LY75: variants seen among roughly 807,000 people sequenced by gnomAD.
LY75 encodes C-type lectin domain family 13 member B.
A neutral mutation model predicts 231.7 loss-of-function variants in LY75; 185 were observed. The ratio of observed to expected loss-of-function variants is 0.80; its 90% CI spans 0.71 to 0.90. The LOEUF is 0.90. Among genes scored for constraint, LY75 ranks in the 40% least tolerant of loss-of-function variants. The probability of loss-of-function intolerance (pLI) is 0.00; values close to 1 mark genes in which losing one functional copy is unlikely to be tolerated. For synonymous variants in LY75, 668 were observed against 689.0 expected, an observed-to-expected ratio of 0.97 and a Z score of 0.48; for missense variants, 1,947 against 2,050.2, an observed-to-expected ratio of 0.95 and a Z score of 0.97.
At chr2:159,830,591 T>TC (rs1253805313) in intron 28 of LY75, among the ~76,000 whole-genome samples, 1 of 149,034 alleles carries the variant, frequency 6.7e-6, no homozygotes, top group Non-Finnish European at 1.5e-5. Flanking sequence ...TTCTATTCTT[T>TC]TTTTTTTTTT....
intron 31 of LY75, among the ~76,000 whole-genome samples, chr2:159,814,281 C>T (rs1045454513): frequency 6.6e-6 from 1 of 152,090 alleles, no homozygotes; most frequent in Non-Finnish European, 1.5e-5. Flanking sequence ...TTCCCTTAAA[C>T]TTTAAGGATC....
rs760133760 is a variant in LY75, at chr2:159,878,654, C to A, written c.1583G>T (p.Cys528Phe). Residue 528 changes from cysteine (C) to phenylalanine (F), a missense_variant, in exon 10 of 35, where the codon TGC (cysteine) becomes TTC (phenylalanine). Cys to Phe is a radical substitution (Grantham distance 205, BLOSUM62 -2). Transcript: ENST00000263636. ...YEDEVPFGTN[C>F]NLTITSRFEQ... ...ACACCTGCTAGTGATAGTCAGATTG[C>A]AGTTTGTTCCAAAAGGGACCTCATC... The A allele has an allele frequency of 3.1e-6, 5 of 1,613,862 alleles. No homozygotes were observed. In the African/African-American group the frequency reaches 6.7e-5, roughly 22 times the overall value.
intron 31 of LY75, 46 bp from the exon 32 acceptor site, chr2:159,810,721 G>A (rs747660820): frequency 6.3e-7 from 1 of 1,594,254 alleles, no homozygotes; most frequent in Non-Finnish European, 8.5e-7. Flanking sequence ...GGAAAAAAAA[G>A]ACTGCCTTTC....
At chr2:159,874,348 A>T (rs188161850) in intron 12 of LY75, among the ~76,000 whole-genome samples, 1 of 6,824 alleles carries the variant, frequency 1.5e-4, no homozygotes, top group African/African-American at 4.6e-4. Context: ...ATATATACAT[A>T]TTTTGTAAAT....
intron 28 of LY75, among the ~76,000 whole-genome samples, chr2:159,822,834 G>C (rs916138966): frequency 6.6e-6 from 1 of 152,110 alleles, no homozygotes; most frequent in Admixed American, 6.6e-5. Flanking sequence ...AAACAGAGTC[G>C]GGTAGACATC....
At chr2:159,822,080 G>A (rs1683312516) in intron 28 of LY75, among the ~76,000 whole-genome samples, 1 of 152,210 alleles carries the variant, frequency 6.6e-6, no homozygotes, top group Non-Finnish European at 1.5e-5. Context: ...AGGGCCCTGG[G>A]TTTCAAGGAC....
chr2:159,864,706 G>T, intron 14 of LY75, 133 bp downstream of exon 14: 1 of 854,304 alleles, frequency 1.2e-6, no homozygotes, highest in Non-Finnish European at 1.7e-6. Flanking sequence ...TTTTGCTCAA[G>T]ATTTCTTTGG....
At chr2:159,835,728 G>T (rs1574542502) in intron 25 of LY75, 83 bp from the exon 26 acceptor site, 2 of 1,523,372 alleles carry the variant, frequency 1.3e-6, no homozygotes, top group Admixed American at 2.4e-5. Flanking sequence ...TCAATCTAAT[G>T]ATTTTTAATT....
rs1448761283 is a variant in LY75, at chr2:159,875,452, A to G, written c.1966T>C (p.Cys656Arg). The part of the protein sequence containing the change: ...GWQSFPASLS[C>R]YKVFHAERIV... The stretch of plus-strand genomic sequence containing the variant: ...TGAGAATGTCACTTTACCTTATAAC[A>G]AGAAAGACTTGCGGGGAAACTCTGC... The change falls in exon 12 of 35, where the codon TGT becomes CGT. Residue 656 changes from cysteine to arginine, a missense_variant. Coordinates refer to ENST00000263636, the MANE Select transcript of LY75 (RefSeq NM_002349.4). 3.1e-6 allele frequency: 5 copies of G among 1,612,848 alleles called. No individual in the cohort carries two copies. Among genetic ancestry groups the G allele is most frequent in the Non-Finnish European group, 4.2e-6 (5 of 1,179,616 alleles).
At position 159,904,649 on chromosome 2, in the gene LY75, C is replaced by A; in HGVS notation, c.34G>T (p.Ala12Ser). ...CAGAAGAGCAGCATGAGGAGCCCCG[C>A]CGGGCGGCGAGGGGTCGCCCAGCCT... is the stretch of plus-strand genomic sequence containing the variant. ...RTGWATPRRP[A>S]GLLMLLFWFF... The change falls in exon 1 of 35, where the codon GCG (alanine) becomes TCG (serine). Residue 12 changes from alanine to serine, a missense_variant. Coordinates refer to ENST00000263636, the MANE Select transcript of LY75 (RefSeq NM_002349.4). 6.7e-7 allele frequency: 1 copy of A among 1,493,632 alleles called. No homozygotes were observed. Among genetic ancestry groups the A allele is most frequent in the Non-Finnish European group, 8.9e-7 (1 of 1,124,432 alleles). The allele number at this position is 1,493,632 out of a possible 1,614,324, so 92.5% of individuals were successfully genotyped here.
At chr2:159,805,291 A>T in intron 34 of LY75, 69 bp from the exon 35 acceptor site, 1 of 1,207,706 alleles carries the variant, frequency 8.3e-7, no homozygotes, top group Non-Finnish European at 1.2e-6. Context: ...TTTATACATT[A>T]TGGGTTGTGT....
chr2:159,887,204 G>C (rs1229531886), intron 4 of LY75, among the ~76,000 whole-genome samples: 1 of 84,104 alleles, frequency 1.2e-5, no homozygotes, highest in Non-Finnish European at 2.8e-5. Flanking sequence ...CAGAATGAGA[G>C]TGAGAGTCAC....
Position 159,858,471 on chromosome 2 carries a change from A to T in LY75, c.2274T>A (p.Phe758Leu), listed in dbSNP as rs1163368128. 3.7e-6 allele frequency: 6 copies of T among 1,610,864 alleles called. No individual in the cohort carries two copies. Among genetic ancestry groups the T allele is most frequent in the Admixed American group, 3.4e-5 (2 of 59,564 alleles). ...GCCAGCCTCTTCGCCATGGCCTATG[A>T]AATACCTATAAGAGGAAAAGTATTG... ...DIRDCAAVKVFHRPWRRGWHF... is the reference protein window; with the variant it reads ...DIRDCAAVKVLHRPWRRGWHF... The change falls in exon 16 of 35, where the codon TTT (phenylalanine) becomes TTA (leucine). Residue 758 changes from phenylalanine to leucine, a missense_variant. Coordinates refer to ENST00000263636, the MANE Select transcript of LY75 (RefSeq NM_002349.4).
chr2:159,898,806 G>T lies in LY75; in HGVS notation c.348C>A (p.Tyr116Ter), dbSNP rs750943900. 1 of 1,614,068 alleles carries T rather than the reference G, an allele frequency of 6.2e-7. No individual in the cohort carries two copies. The highest frequency in any genetic ancestry group is 8.5e-7 in the Non-Finnish European group (1 of 1,180,028). ...LWWKCEHHSL[Y>*]GAARYRLALK... ...GAGCCAGCCGGTACCGGGCAGCTCC[G>T]TACAGAGAGTGGTGCTCACATTTCC... Residue 116 changes from tyrosine (Y) to a stop codon, truncating the protein, a stop_gained, in exon 2 of 35, where the codon TAC becomes TAA. Coordinates refer to ENST00000263636, the MANE Select transcript of LY75 (RefSeq NM_002349.4). LOFTEE classifies it high-confidence loss of function.
At position 159,875,539 on chromosome 2, in the gene LY75, T is replaced by C. The variant is rs1297363530; in HGVS notation, c.1879A>G (p.Ser627Gly). Residue 627 changes from serine to glycine, a missense_variant, in exon 12 of 35, where the codon AGT (serine) becomes GGT (glycine). Coordinates refer to ENST00000263636, the MANE Select transcript of LY75 (RefSeq NM_002349.4). ...GCTTCTTCAGGCCCAAGGGGTCCAC[T>C]CATTTTCTTGCAAATTGAAAGTGCT... ...FKALSICKKMSGPLGPEEASP... is the reference protein window; with the variant it reads ...FKALSICKKMGGPLGPEEASP... 6.2e-7 allele frequency: 1 copy of C among 1,614,138 alleles called. No homozygotes were observed. Among genetic ancestry groups the C allele is most frequent in the Admixed American group, 1.7e-5 (1 of 60,008 alleles).
intron 31 of LY75, among the ~76,000 whole-genome samples, chr2:159,811,707 G>A (rs1251737681): frequency 6.6e-6 from 1 of 152,118 alleles, no homozygotes; most frequent in Admixed American, 6.5e-5. Context: ...ACTCTTTAGT[G>A]GCCCTTAGTT....
intron 5 of LY75, among the ~76,000 whole-genome samples, chr2:159,886,198 T>C (rs142792474): frequency 1.2e-4 from 18 of 152,292 alleles, no homozygotes; most frequent in Admixed American, 8.5e-4. Context: ...AGGGTTGTTC[T>C]AAAGGTCTAG....
Position 159,898,864 on chromosome 2 carries a change from A to T in LY75, c.290T>A (p.Met97Lys). 1 of 1,614,218 alleles carries T rather than the reference A, an allele frequency of 6.2e-7. No homozygotes were observed. The change falls in exon 2 of 35, where the codon ATG becomes AAG. Residue 97 changes from methionine to lysine, a missense_variant. Physicochemically the swap from Met to Lys is moderately conservative, Grantham distance 95. Coordinates refer to ENST00000263636, the MANE Select transcript of LY75 (RefSeq NM_002349.4). The stretch of plus-strand genomic sequence containing the variant: ...CATGGCACTGGAGTCACAGCTGAAC[A>T]TTCTCAGCTCATTTACCGATTTGGT... Reference protein sequence around the residue: ...DITKSVNELRMFSCDSSAMLW... With the variant: ...DITKSVNELRKFSCDSSAMLW...
chr2:159,854,243 A>AT (rs1684482379), intron 18 of LY75, 117 bp downstream of exon 18: 13 of 780,500 alleles, frequency 1.7e-5, no homozygotes, highest in Non-Finnish European at 2.3e-5. Context: ...TGTGAGGCAG[A>AT]TTTTACATTA....
Sources: allele counts gnomAD v4.1 joint callset (sites outside exome capture counted in the v4.1 genomes callset), GRCh38; gene constraint gnomAD v4.1.1; transcripts MANE v1.5; gene names NCBI Gene and HGNC (gene_info 2026-07-23, HGNC 2026-07-21).